The following RUFY3 variants were observed in gnomAD, a reference collection of about 807,000 sequenced individuals.
The protein encoded by RUFY3 is RUN and FYVE domain containing 3.
In RUFY3, 34 loss-of-function variants were observed where a neutral mutation model predicts 84.0. That is an observed-to-expected ratio of 0.40 (90% CI 0.31 to 0.54). The LOEUF (loss-of-function observed/expected upper bound fraction) is 0.54, where lower values mean the gene tolerates loss of function less well. Among genes scored for constraint, RUFY3 ranks in the 20% least tolerant of loss-of-function variants. The pLI is 0.39. For missense variants in RUFY3, 507 were observed against 736.8 expected, an observed-to-expected ratio of 0.69 and a Z score of 3.61; for synonymous variants, 242 against 252.9, an observed-to-expected ratio of 0.96 and a Z score of 0.41.
intron 1 of RUFY3, among the ~76,000 whole-genome samples, chr4:70,758,835 C>G (rs1458161306): frequency 4.6e-5 from 7 of 151,856 alleles, no homozygotes; most frequent in African/African-American, 1.7e-4. Context: ...GTCAGGAGAT[C>G]AAGACCATCC....
At chr4:70,746,340 T>TAAAA (rs570194881) in intron 1 of RUFY3, among the ~76,000 whole-genome samples, 2 of 135,724 alleles carry the variant, frequency 1.5e-5, no homozygotes, top group East Asian at 2.1e-4. Context: ...CAAGACTCCT[T>TAAAA]AAAAAAAAAA....
chr4:70,802,243 A>C (rs1259952908), intron 15 of RUFY3, among the ~76,000 whole-genome samples: 1 of 152,194 alleles, frequency 6.6e-6, no homozygotes, highest in Non-Finnish European at 1.5e-5. Context: ...TCCTGGGATT[A>C]TGATGGCAAG....
chr4:70,786,754 T>TA (rs1457997150), intron 10 of RUFY3, among the ~76,000 whole-genome samples: 6 of 152,140 alleles, frequency 3.9e-5, no homozygotes, highest in Admixed American at 1.3e-4. Flanking sequence ...CTAGTGTTAT[T>TA]ATATTAATAA....
At chr4:70,707,447 T>C (rs1313177279) in intron 1 of RUFY3, among the ~76,000 whole-genome samples, 2 of 152,192 alleles carry the variant, frequency 1.3e-5, no homozygotes, top group Non-Finnish European at 2.9e-5. Context: ...GGTTTCACCA[T>C]GTTGGCCAGG....
At chr4:70,780,401 TCTC>T (rs1227265013) in intron 8 of RUFY3, among the ~76,000 whole-genome samples, 1 of 152,130 alleles carries the variant, frequency 6.6e-6, no homozygotes, top group Non-Finnish European at 1.5e-5. Flanking sequence ...TTCAAGCAAT[TCTC>T]CTGCCTCAGC....
At chr4:70,786,006 T>C (rs1729734484) in intron 10 of RUFY3, among the ~76,000 whole-genome samples, 1 of 152,180 alleles carries the variant, frequency 6.6e-6, no homozygotes, top group African/African-American at 2.4e-5. Context: ...ACCTAAGTGT[T>C]CATCAACACT....
intron 4 of RUFY3, 135 bp downstream of exon 4, chr4:70,764,711 A>G: frequency 1.7e-6 from 1 of 594,924 alleles, no homozygotes; most frequent in Non-Finnish European, 3.0e-6. Context: ...TTTCTCTCAT[A>G]CCTCACACAC....
At chr4:70,796,777 CT>C (rs369280222) in intron 14 of RUFY3, among the ~76,000 whole-genome samples, 1 of 152,276 alleles carries the variant, frequency 6.6e-6, no homozygotes, top group African/African-American at 2.4e-5. Context: ...CTGCCCACTT[CT>C]TTGGGGACAA....
intron 4 of RUFY3, among the ~76,000 whole-genome samples, chr4:70,766,417 G>A (rs189178198): frequency 6.6e-6 from 1 of 151,902 alleles, no homozygotes; most frequent in Non-Finnish European, 1.5e-5. Flanking sequence ...GCTAATTTTT[G>A]TATTTTTAGT....
At chr4:70,708,895 A>T (rs79099747) in intron 1 of RUFY3, among the ~76,000 whole-genome samples, 12,852 of 152,158 alleles carry the variant, frequency 0.084, 1,274 homozygotes, top group East Asian at 0.23. Context: ...AAAATTTTTT[A>T]AATTAAAAAT....
intron 1 of RUFY3, among the ~76,000 whole-genome samples, chr4:70,746,357 A>AG (rs1460769655): frequency 1.1e-3 from 162 of 151,196 alleles, no homozygotes; most frequent in African/African-American, 3.9e-3. Flanking sequence ...AAAAAAAAAA[A>AG]TTAGCCAGGC....
At chr4:70,804,236 C>T (rs894487909) in intron 16 of RUFY3, 112 bp from the exon 17 acceptor site, 26 of 781,000 alleles carry the variant, frequency 3.3e-5, no homozygotes, top group African/African-American at 3.3e-4. Context: ...GGTTTAGTTT[C>T]CAGATAGTCT....
chr4:70,734,529 T>C lies in RUFY3; in HGVS notation c.178+11778T>C, dbSNP rs950078401. The C allele has an allele frequency of 1.6e-5, 16 of 985,346 alleles. No individual in the cohort carries two copies. The African/African-American group carries it at 2.8e-4, about 17-fold the overall frequency. 61.0% of individuals were successfully genotyped at this position (985,346 alleles called of 1,614,324 possible). On this transcript the variant is annotated intron_variant, in intron 1 of 17. Coordinates refer to ENST00000381006, the MANE Select transcript of RUFY3 (RefSeq NM_001037442.4). The stretch of plus-strand genomic sequence containing the variant: ...CAGAAGCCTATGGGACAAAGTTTTC[T>C]GGACACGGTTCATCCCTTCTTGTTG...
At chr4:70,802,839 A>G (rs1201779521) in intron 15 of RUFY3, 117 bp from the exon 16 acceptor site, 1 of 667,662 alleles carries the variant, frequency 1.5e-6, no homozygotes, top group Non-Finnish European at 2.6e-6. Flanking sequence ...AATATAAAAG[A>G]CCTACAGTAT....
intron 1 of RUFY3, among the ~76,000 whole-genome samples, chr4:70,710,261 T>C (rs1327188939): frequency 6.6e-6 from 1 of 152,254 alleles, no homozygotes; most frequent in African/African-American, 2.4e-5. Context: ...CATGCATGCA[T>C]GTATGTATGT....
chr4:70,792,722 T>C (rs1731010234), intron 12 of RUFY3: 1 of 985,194 alleles, frequency 1.0e-6, no homozygotes, highest in Non-Finnish European at 1.2e-6. Flanking sequence ...GAATTAAGAG[T>C]GTAAGATAGA....
At chr4:70,787,502 C>T (rs1730100915) in intron 10 of RUFY3, among the ~76,000 whole-genome samples, 2 of 151,796 alleles carry the variant, frequency 1.3e-5, no homozygotes, top group African/African-American at 4.8e-5. Context: ...TAATTGTGAT[C>T]CGCCTGCCTC....
chr4:70,800,628 A>G (rs6821784), intron 15 of RUFY3, among the ~76,000 whole-genome samples: 4,094 of 152,308 alleles, frequency 0.027, 80 homozygotes, highest in Middle Eastern at 0.054. Flanking sequence ...TCACGCCTGT[A>G]ATCCCAGTAC....
chr4:70,789,069 G>A lies in RUFY3; in HGVS notation c.1239+96G>A, dbSNP rs1730381126. On this transcript the variant is annotated intron_variant, in intron 11 of 17. Transcript: ENST00000381006. The stretch of plus-strand genomic sequence containing the variant: ...CTCCAGAATCACACTTTAATTACAA[G>A]AGGAAAGAATCACATCTCATTTTGA... The A allele has an allele frequency of 2.7e-6, 4 of 1,489,772 alleles. No homozygotes were observed. The East Asian group carries it at 9.6e-5, about 36-fold the overall frequency. The allele number at this position is 1,489,772 out of a possible 1,614,324, so 92.3% of individuals were successfully genotyped here.
Sources: gnomAD v4.1 joint callset for allele counts (sites outside exome capture counted in the v4.1 genomes callset) on GRCh38, gnomAD v4.1.1 for gene constraint, MANE v1.5 for transcripts, NCBI Gene and HGNC (gene_info 2026-07-23, HGNC 2026-07-21) for gene names.